Variants in EEA1 observed in about 807,000 individuals in gnomAD.
EEA1 encodes the protein early endosome antigen 1, 162kD.
EEA1 carries 111 observed loss-of-function variants against 209.2 expected under a neutral mutation model. That is an observed-to-expected ratio of 0.53 (90% CI 0.45 to 0.62). EEA1 has a LOEUF of 0.62. EEA1 is among the 20% of genes least tolerant of loss of function. The pLI, the probability that EEA1 is intolerant of heterozygous loss-of-function variation, is 0.00. For missense variants in EEA1, 1,343 were observed against 1,530.8 expected, an observed-to-expected ratio of 0.88 and a Z score of 2.05; for synonymous variants, 536 against 540.6, an observed-to-expected ratio of 0.99 and a Z score of 0.12.
chr12:92,840,369 G>A (rs140531147), intron 10 of EEA1, among the ~76,000 whole-genome samples: 4,167 of 152,300 alleles, frequency 0.027, 89 homozygotes, highest in Non-Finnish European at 0.037. Flanking sequence ...CTGGAGTGCA[G>A]TGGCATGATC....
At chr12:92,916,194 C>T (rs1880754079) in intron 1 of EEA1, among the ~76,000 whole-genome samples, 1 of 152,058 alleles carries the variant, frequency 6.6e-6, no homozygotes, top group South Asian at 2.1e-4. Flanking sequence ...TAGACAGCTA[C>T]AAAAACATAC....
chr12:92,911,895 T>A (rs1880596212), intron 1 of EEA1, among the ~76,000 whole-genome samples: 1 of 152,098 alleles, frequency 6.6e-6, no homozygotes, highest in East Asian at 1.9e-4. Flanking sequence ...ACTGCTGGAG[T>A]AGCTAGTGTA....
At chr12:92,893,714 ATCT>A (rs1357399661) in intron 1 of EEA1, among the ~76,000 whole-genome samples, 3 of 152,152 alleles carry the variant, frequency 2.0e-5, no homozygotes, top group Non-Finnish European at 2.9e-5. Context: ...CAAGACAGGA[ATCT>A]TCATTTTTAT....
chr12:92,825,983 A>C (rs982946301), intron 13 of EEA1, among the ~76,000 whole-genome samples, 183 bp downstream of exon 13: 1 of 151,726 alleles, frequency 6.6e-6, no homozygotes, highest in Non-Finnish European at 1.5e-5. Flanking sequence ...AAGAAAAATA[A>C]TTTTCTGATT....
intron 1 of EEA1, among the ~76,000 whole-genome samples, chr12:92,893,528 T>C (rs760800556): frequency 5.3e-5 from 8 of 152,154 alleles, no homozygotes; most frequent in Non-Finnish European, 1.2e-4. Context: ...TACTAAATGT[T>C]CAACCTAAAT....
At position 92,774,083 on chromosome 12, in the gene EEA1, T is replaced by A. The variant is rs10777451; in HGVS notation, c.*1928A>T. 6.8e-6 allele frequency: 1 copy of A among 147,336 alleles called. No individual in the cohort carries two copies. The highest frequency in any genetic ancestry group is 2.5e-5 in the African/African-American group (1 of 40,264). The allele number at this position is 147,336 out of a possible 1,614,324, so 9.1% of individuals were successfully genotyped here. On this transcript the variant is annotated 3_prime_UTR_variant, in exon 29 of 29. Coordinates refer to ENST00000322349, the MANE Select transcript of EEA1 (RefSeq NM_003566.4). Reference sequence around the variant, plus strand: ...AAAAAAAAAACAGTGGTGCTGTGAATATCTGTGTTTTTCCAGCACACTTAT... The same window carrying A: ...AAAAAAAAAACAGTGGTGCTGTGAAAATCTGTGTTTTTCCAGCACACTTAT...
rs2136674925 is a variant in EEA1 at position 92,811,354 on chromosome 12, T to C, written c.2124A>G (p.Glu708=). The change falls in exon 17 of 29, where the codon GAA becomes GAG. Residue 708 remains glutamate, a synonymous_variant. Transcript: ENST00000322349. ...TCTCTTTATATTCTTTAAGATGACT[T>C]TCCAGCTGACTGCAATGTTCTTGCT... is the stretch of plus-strand genomic sequence containing the variant. ...QDKQEHCSQL[E]SHLKEYKEKY... 1 of 1,607,928 alleles carries C rather than the reference T, an allele frequency of 6.2e-7. No individual in the cohort carries two copies. Among genetic ancestry groups the C allele is most frequent in the Non-Finnish European group, 8.5e-7 (1 of 1,177,374 alleles).
intron 10 of EEA1, 87 bp downstream of exon 10, chr12:92,842,378 T>G: frequency 1.4e-6 from 1 of 709,642 alleles, no homozygotes; most frequent in South Asian, 1.8e-5. Flanking sequence ...CATTGTACTA[T>G]GCCAATATAT....
intron 3 of EEA1, among the ~76,000 whole-genome samples, chr12:92,860,944 G>C (rs1878120357): frequency 6.6e-6 from 1 of 151,690 alleles, no homozygotes; most frequent in Admixed American, 6.6e-5. Flanking sequence ...AGAAAAAGAG[G>C]AGCAGCAGCA....
intron 2 of EEA1, among the ~76,000 whole-genome samples, chr12:92,881,606 G>A (rs776502119): frequency 7.2e-5 from 11 of 152,156 alleles, no homozygotes; most frequent in Non-Finnish European, 4.4e-5. Context: ...ATGCGTCTAA[G>A]AAGTAAAGTA....
intron 17 of EEA1, among the ~76,000 whole-genome samples, chr12:92,810,836 T>G (rs1365573612): frequency 2.0e-5 from 3 of 152,062 alleles, no homozygotes; most frequent in African/African-American, 7.2e-5. Flanking sequence ...TCTCAATGTG[T>G]TTTTAAATTA....
At position 92,813,065 on chromosome 12, in the gene EEA1, GATAGTA is replaced by G. The variant is rs760312380; in HGVS notation, c.1952_1957del (p.Leu651_Leu652del). On this transcript the variant is annotated inframe_deletion, in exon 16 of 29. Coordinates refer to ENST00000322349, the MANE Select transcript of EEA1 (RefSeq NM_003566.4). ...TTGAGCAGTTTTTGCTGCTTCTGCTGATAGTAATAGTTCGGTTTTGGCTTTAATCTG... is the reference window on the plus strand; with the variant it reads ...TTGAGCAGTTTTTGCTGCTTCTGCTGATAGTTCGGTTTTGGCTTTAATCTG... The G allele has an allele frequency of 3.1e-6, 5 of 1,592,394 alleles. No individual in the cohort carries two copies. Among genetic ancestry groups the G allele is most frequent in the Non-Finnish European group, 3.4e-6 (4 of 1,165,206 alleles).
chr12:92,897,287 A>G (rs1455225540), intron 1 of EEA1, among the ~76,000 whole-genome samples: 1 of 152,220 alleles, frequency 6.6e-6, no homozygotes, highest in Non-Finnish European at 1.5e-5. Flanking sequence ...CTTCATTTGC[A>G]TAGAAGTATA....
intron 1 of EEA1, among the ~76,000 whole-genome samples, chr12:92,908,268 G>T (rs997897095): frequency 6.6e-6 from 1 of 152,132 alleles, no homozygotes; most frequent in East Asian, 1.9e-4. Context: ...GAGGTACCTA[G>T]AACAGTTAAA....
chr12:92,778,976 A>G (rs1378473609), intron 25 of EEA1, 139 bp downstream of exon 25: 1 of 662,814 alleles, frequency 1.5e-6, no homozygotes, highest in Non-Finnish European at 2.4e-6. Context: ...CTATGTAAAT[A>G]AATCAGATCT....
intron 14 of EEA1, among the ~76,000 whole-genome samples, chr12:92,816,947 T>C (rs1369222059): frequency 6.6e-6 from 1 of 151,468 alleles, no homozygotes; most frequent in Admixed American, 6.6e-5. Flanking sequence ...TACTTTTTTT[T>C]AATTTAGATG....
chr12:92,842,635 A>T lies in EEA1; in HGVS notation c.799-54T>A, dbSNP rs530799749. On this transcript the variant is annotated intron_variant, in intron 9 of 28. Coordinates refer to ENST00000322349, the MANE Select transcript of EEA1 (RefSeq NM_003566.4). ...AAGCAAACTAAATTGTCTAAAAGAT[A>T]AAAAAAATGAAAGTATATAAAGGTT... 2.1e-4 allele frequency: 223 copies of T among 1,046,318 alleles called. 1 individual carries two copies. Among genetic ancestry groups the T allele is most frequent in the Non-Finnish European group, 2.7e-4 (196 of 717,432 alleles). 64.8% of individuals were successfully genotyped at this position (1,046,318 alleles called of 1,614,324 possible).
At chr12:92,798,798 A>T in intron 21 of EEA1, 94 bp downstream of exon 21, 2 of 957,796 alleles carry the variant, frequency 2.1e-6, no homozygotes, top group Admixed American at 2.9e-5. Flanking sequence ...TAAACTTTTC[A>T]ATGTTGCAAC....
Position 92,779,141 on chromosome 12 carries a change from C to A in EEA1, c.3628G>T (p.Glu1210Ter), listed in dbSNP as rs1873788283. 3 of 1,601,906 alleles carry A rather than the reference C, an allele frequency of 1.9e-6. No homozygotes were observed. The highest frequency in any genetic ancestry group is 8.5e-7 in the Non-Finnish European group (1 of 1,177,262). Reference protein sequence around the residue: ...VKKEEEELKKEFIEKEAKLHS... With the variant: ...VKKEEEELKK ...AACTTAGCTTCTTTCTCAATAAATT[C>A]TTTCTTCAGCTCCTCTTCTTCCTTT... is the stretch of plus-strand genomic sequence containing the variant. The change falls in exon 25 of 29, where the codon GAA (glutamate) becomes TAA (stop). Residue 1210 changes from glutamate (E) to a stop codon, truncating the protein, a stop_gained. Coordinates refer to ENST00000322349, the MANE Select transcript of EEA1 (RefSeq NM_003566.4). LOFTEE classifies it high-confidence loss of function.
Sources: allele counts gnomAD v4.1 joint callset (sites outside exome capture counted in the v4.1 genomes callset), GRCh38; gene constraint gnomAD v4.1.1; transcripts MANE v1.5; gene names NCBI Gene and HGNC (gene_info 2026-07-23, HGNC 2026-07-21).